Variants in MTUS1 observed in about 807,000 individuals in gnomAD.
MTUS1 encodes microtubule associated scaffold protein 1.
Under a neutral mutation model 120.8 loss-of-function variants are expected in MTUS1, and 109 were observed. The ratio of observed to expected loss-of-function variants is 0.90; its 90% CI spans 0.77 to 1.06. The LOEUF is 1.06. MTUS1 is among the 50% of genes least tolerant of loss of function. MTUS1 has a pLI of 0.00. For synonymous variants in MTUS1, 737 were observed against 550.5 expected (o/e 1.34, Z -4.74); for missense variants, 2,210 against 1,486.3 (o/e 1.49, Z -8.01).
intron 1 of MTUS1, among the ~76,000 whole-genome samples, chr8:17,784,298 T>C (rs2051119554): frequency 6.6e-6 from 1 of 150,700 alleles, no homozygotes; most frequent in African/African-American, 2.4e-5. Flanking sequence ...TACAACTGTT[T>C]TTTTTTTTTT....
chr8:17,699,894 A>G (rs1433084736), intron 6 of MTUS1, among the ~76,000 whole-genome samples: 1 of 152,198 alleles, frequency 6.6e-6, no homozygotes, highest in Non-Finnish European at 1.5e-5. Flanking sequence ...TTCAGGTCAC[A>G]ACTATTTTTA....
At chr8:17,727,359 C>T (rs1164536506) in intron 3 of MTUS1, among the ~76,000 whole-genome samples, 1 of 152,176 alleles carries the variant, frequency 6.6e-6, no homozygotes, top group Non-Finnish European at 1.5e-5. Context: ...TGTCTAACCA[C>T]CTGCCCAGTG....
At chr8:17,707,851 G>T (rs908995167) in intron 6 of MTUS1, among the ~76,000 whole-genome samples, 4 of 152,142 alleles carry the variant, frequency 2.6e-5, no homozygotes, top group African/African-American at 9.7e-5. Flanking sequence ...TTTAACAAAG[G>T]TGCCAAGGCA....
At chr8:17,721,994 GGAA>G in intron 4 of MTUS1, 1 of 1,381,896 alleles carries the variant, frequency 7.2e-7, no homozygotes, top group East Asian at 2.6e-5. Flanking sequence ...TCGAATGGAG[GGAA>G]AAAAAAAAAA....
chr8:17,716,225 C>T (rs753692308), intron 4 of MTUS1, among the ~76,000 whole-genome samples: 1 of 152,076 alleles, frequency 6.6e-6, no homozygotes, highest in Non-Finnish European at 1.5e-5. Flanking sequence ...ACAAGAATGC[C>T]CCAGGTGCAG....
At chr8:17,651,594 A>C (rs968762626) in intron 12 of MTUS1, 2 of 150,812 alleles carry the variant, frequency 1.3e-5, no homozygotes, top group African/African-American at 2.4e-5. Flanking sequence ...GGGAAATGGC[A>C]TAACTTACCG....
intron 1 of MTUS1, among the ~76,000 whole-genome samples, chr8:17,764,015 T>C (rs942865246): frequency 3.9e-5 from 6 of 152,234 alleles, no homozygotes; most frequent in East Asian, 1.9e-4. Flanking sequence ...TGCCCACAAA[T>C]TGTAAACAGC....
At chr8:17,722,108 A>G (rs2045890644) in intron 4 of MTUS1, 8 of 1,293,890 alleles carry the variant, frequency 6.2e-6, no homozygotes, top group Non-Finnish European at 7.8e-6. Context: ...CGCAACAGGA[A>G]CACATCGCCA....
intron 1 of MTUS1, among the ~76,000 whole-genome samples, chr8:17,794,282 C>A (rs1173049441): frequency 6.6e-6 from 1 of 151,936 alleles, no homozygotes; most frequent in East Asian, 1.9e-4. Context: ...GAGCCAAGAT[C>A]ACGCCACTGC....
At chr8:17,758,160 T>A (rs766587276) in intron 1 of MTUS1, 2 of 152,194 alleles carry the variant, frequency 1.3e-5, no homozygotes, top group Non-Finnish European at 2.9e-5. Context: ...GTAGGTCTCA[T>A]TTTTCTATCT....
intron 3 of MTUS1, among the ~76,000 whole-genome samples, chr8:17,725,182 G>A (rs994936660): frequency 2.0e-5 from 3 of 152,132 alleles, no homozygotes; most frequent in African/African-American, 7.2e-5. Flanking sequence ...AGACTACCCA[G>A]AGTTGAAAAA....
intron 3 of MTUS1, among the ~76,000 whole-genome samples, chr8:17,735,824 A>G (rs1377300299): frequency 1.3e-5 from 2 of 152,258 alleles, no homozygotes; most frequent in South Asian, 2.1e-4. Context: ...GAAAATAACT[A>G]AGAGCTGAAC....
At position 17,754,269 on chromosome 8, in the gene MTUS1, T is replaced by G; in HGVS notation, c.1539A>C (p.Lys513Asn). Residue 513 changes from lysine (K) to asparagine (N), a missense_variant, in exon 2 of 15, where the codon AAA becomes AAC. Lys to Asn is a moderately conservative substitution (Grantham distance 94, BLOSUM62 0). Coordinates refer to ENST00000693296, the MANE Select transcript of MTUS1 (RefSeq NM_001363059.2). Reference protein sequence around the residue: ...PRPNFKNVKAKVMSRAVLQPK... With the variant: ...PRPNFKNVKANVMSRAVLQPK... ...GCTGCAACACTGCTCTAGACATAACTTTTGCTTTGACATTCTTGAAGTTTG... is the reference window on the plus strand; with the variant it reads ...GCTGCAACACTGCTCTAGACATAACGTTTGCTTTGACATTCTTGAAGTTTG... 4 of 1,614,174 alleles carry G rather than the reference T, an allele frequency of 2.5e-6. No homozygotes were observed. Among genetic ancestry groups the G allele is most frequent in the Non-Finnish European group, 3.4e-6 (4 of 1,180,034 alleles).
chr8:17,739,156 C>G (rs1240055763), intron 3 of MTUS1, among the ~76,000 whole-genome samples: 1 of 151,730 alleles, frequency 6.6e-6, no homozygotes, highest in East Asian at 1.9e-4. Context: ...AACAAACAAA[C>G]AGAAAACAAA....
intron 1 of MTUS1, among the ~76,000 whole-genome samples, chr8:17,799,579 C>G (rs7012198): frequency 0.049 from 7,417 of 152,146 alleles, 463 homozygotes; most frequent in African/African-American, 0.14. Context: ...TATTAAGTAA[C>G]AGGCTTTTTA....
intron 1 of MTUS1, among the ~76,000 whole-genome samples, chr8:17,761,660 A>G (rs2049046889): frequency 6.6e-6 from 1 of 152,214 alleles, no homozygotes; most frequent in African/African-American, 2.4e-5. Context: ...ATAACTATAA[A>G]ATCAAGAATG....
chr8:17,732,633 C>T (rs892733065), intron 3 of MTUS1, among the ~76,000 whole-genome samples: 3 of 152,310 alleles, frequency 2.0e-5, no homozygotes, highest in African/African-American at 7.2e-5. Flanking sequence ...GTTTTCTACT[C>T]CACATGGCCT....
intron 1 of MTUS1, among the ~76,000 whole-genome samples, chr8:17,798,443 C>A (rs1174582702): frequency 6.6e-6 from 1 of 152,046 alleles, no homozygotes; most frequent in African/African-American, 2.4e-5. Context: ...AGCGCTTCTC[C>A]TGCCTCAGCG....
intron 2 of MTUS1, among the ~76,000 whole-genome samples, chr8:17,750,838 C>T (rs1489442271): frequency 3.3e-5 from 5 of 152,164 alleles, no homozygotes; most frequent in Non-Finnish European, 7.3e-5. Flanking sequence ...GAACACATAA[C>T]CTCTGTTGTG....
Sources: allele counts gnomAD v4.1 joint callset (sites outside exome capture counted in the v4.1 genomes callset), GRCh38; gene constraint gnomAD v4.1.1; transcripts MANE v1.5; gene names NCBI Gene and HGNC (gene_info 2026-07-23, HGNC 2026-07-21).